GSE1: variants seen among roughly 807,000 people sequenced by gnomAD.
GSE1 encodes the protein Gse1 coiled-coil protein, also known as genetic suppressor element 1.
A neutral mutation model predicts 112.6 loss-of-function variants in GSE1; 32 were observed. The ratio of observed to expected loss-of-function variants is 0.28; its 90% confidence interval spans 0.21 to 0.38. The LOEUF (loss-of-function observed/expected upper bound fraction) is 0.38, where lower values mean the gene tolerates loss of function less well. Among genes scored for constraint, GSE1 ranks in the 10% least tolerant of loss-of-function variants. GSE1 has a pLI of 1.00. For missense variants in GSE1, 2,348 were observed against 1,699.2 expected (o/e 1.38, Z -6.71); for synonymous variants, 1,115 against 735.6 (o/e 1.52, Z -8.35).
intron 1 of GSE1, among the ~76,000 whole-genome samples, chr16:85,280,705 CT>C (rs1172818369): frequency 6.6e-6 from 1 of 152,224 alleles, no homozygotes; most frequent in Non-Finnish European, 1.5e-5. Context: ...CACATGGTCT[CT>C]TTAATTTGGG....
At chr16:85,417,808 A>T (rs1555508692) in intron 2 of GSE1, among the ~76,000 whole-genome samples, 3 of 152,208 alleles carry the variant, frequency 2.0e-5, no homozygotes, top group Non-Finnish European at 4.4e-5. Flanking sequence ...TTCTGATTCC[A>T]TGGGTCTGAG....
At chr16:85,334,763 T>A (rs895277460) in intron 1 of GSE1, among the ~76,000 whole-genome samples, 19 of 152,202 alleles carry the variant, frequency 1.2e-4, no homozygotes, top group African/African-American at 3.9e-4. Flanking sequence ...ATATACTTCA[T>A]CAGCGTATTC....
chr16:85,648,718 C>T lies in GSE1; in HGVS notation c.393C>T (p.Thr131=), dbSNP rs1380514958. The T allele has an allele frequency of 9.3e-6, 15 of 1,606,716 alleles. No homozygotes were observed. The highest frequency in any genetic ancestry group is 5.4e-5 in the African/African-American group (4 of 74,658). ...PPVVTIAPTK[T]VNGVWRSESR... is the part of the protein sequence containing the mutation. ...TGGTGACCATCGCTCCAACCAAAAC[C>T]GTGAATGGTGTCTGGAGGAGTGAGA... The change falls in exon 3 of 16, where the codon ACC becomes ACT. Residue 131 remains threonine, a synonymous_variant. Transcript: ENST00000253458.
rs1181838245 is a variant in GSE1, at chr16:85,434,332, T to TC, written c.2464+76689_2464+76690insC. Among the ~76,000 whole-genome samples, 149 of 147,478 alleles carry TC rather than the reference T, an allele frequency of 1.0e-3. 1 individual carries two copies. The highest frequency in any genetic ancestry group is 7.2e-3 in the Middle Eastern group (2 of 278). The stretch of plus-strand genomic sequence containing the variant: ...CTAATAATAATAATAATAATAATAA[T>TC]AATAATAATAATAATCAGTGCCGTC... On this transcript the variant is annotated intron_variant, in intron 2 of 2. Coordinates refer to the GSE1 transcript ENST00000637419.
chr16:85,660,562 C>A (rs778772845), intron 8 of GSE1, among the ~76,000 whole-genome samples: 2 of 152,136 alleles, frequency 1.3e-5, no homozygotes, highest in African/African-American at 4.8e-5. Context: ...GCGCTTGAAC[C>A]TGGTAGGCGG....
At chr16:85,583,682 A>T (rs1449452112) in intron 1 of GSE1, 1 of 152,140 alleles carries the variant, frequency 6.6e-6, no homozygotes, top group East Asian at 1.9e-4. Flanking sequence ...TGCATGTGAG[A>T]GTGGGGGCTT....
At chr16:85,230,610 A>G (rs887522459) in intron 1 of GSE1, among the ~76,000 whole-genome samples, 2 of 152,180 alleles carry the variant, frequency 1.3e-5, no homozygotes, top group Non-Finnish European at 2.9e-5. Flanking sequence ...GGAGATGGCC[A>G]CCAGCAGTTC....
At chr16:85,436,535 G>A (rs950209152) in intron 2 of GSE1, among the ~76,000 whole-genome samples, 3 of 152,246 alleles carry the variant, frequency 2.0e-5, no homozygotes, top group African/African-American at 4.8e-5. Context: ...CCAGGAACAG[G>A]GGGCCTCCCT....
chr16:85,237,795 G>C (rs990125274), intron 1 of GSE1, among the ~76,000 whole-genome samples: 1 of 150,774 alleles, frequency 6.6e-6, no homozygotes, highest in Non-Finnish European at 1.5e-5. Context: ...CCAAGATCGC[G>C]CCACCGCACT....
chr16:85,391,761 C>T (rs1215197807), intron 2 of GSE1, among the ~76,000 whole-genome samples: 1 of 152,118 alleles, frequency 6.6e-6, no homozygotes. Context: ...ACATGTGTGC[C>T]CAAGGTCACT....
intron 2 of GSE1, among the ~76,000 whole-genome samples, chr16:85,528,510 G>A (rs924834939): frequency 1.3e-5 from 2 of 149,614 alleles, no homozygotes; most frequent in African/African-American, 5.0e-5. Flanking sequence ...TTTTAGTAGA[G>A]ATGAGATCTC....
chr16:85,466,440 A>T (rs1452729138), intron 2 of GSE1, among the ~76,000 whole-genome samples: 1 of 152,192 alleles, frequency 6.6e-6, no homozygotes, highest in African/African-American at 2.4e-5. Context: ...TCTGCCCCTG[A>T]GATTCCATGG....
chr16:85,482,398 G>A (rs1384759467), intron 2 of GSE1, among the ~76,000 whole-genome samples: 1 of 152,228 alleles, frequency 6.6e-6, no homozygotes, highest in Admixed American at 6.5e-5. Context: ...CTTCAGAGCA[G>A]GGACCAGGTC....
chr16:85,471,885 T>C (rs139006115), intron 2 of GSE1, among the ~76,000 whole-genome samples: 1 of 152,282 alleles, frequency 6.6e-6, no homozygotes, highest in African/African-American at 2.4e-5. Context: ...TAAGCCCACA[T>C]TTGTTAAGTG....
chr16:85,362,061 T>C (rs2035492), intron 2 of GSE1, among the ~76,000 whole-genome samples: 124,741 of 152,084 alleles, frequency 0.82, 51,166 homozygotes, highest in East Asian at 0.92. Flanking sequence ...CTGCCGGGAG[T>C]ACAGCTCCAG....
chr16:85,642,650 C>T (rs1042507858), intron 2 of GSE1, among the ~76,000 whole-genome samples: 1 of 152,260 alleles, frequency 6.6e-6, no homozygotes, highest in African/African-American at 2.4e-5. Context: ...CATGGCATCT[C>T]ACAAAGACGT....
At chr16:85,189,194 C>G (rs2074772511) in intron 1 of GSE1, among the ~76,000 whole-genome samples, 1 of 152,230 alleles carries the variant, frequency 6.6e-6, no homozygotes, top group African/African-American at 2.4e-5. Flanking sequence ...GCTGAAGTTT[C>G]TCTTCCCTCT....
intron 1 of GSE1, among the ~76,000 whole-genome samples, chr16:85,278,069 G>A (rs1364856068): frequency 6.6e-6 from 1 of 152,278 alleles, no homozygotes; most frequent in African/African-American, 2.4e-5. Context: ...CCTCACAGCT[G>A]TCCCGCGAGG....
At chr16:85,551,169 C>T (rs117942657), upstream of GSE1, among the ~76,000 whole-genome samples, 653 of 152,312 alleles carry the variant, frequency 4.3e-3, 1 homozygote, top group Non-Finnish European at 7.7e-3. Context: ...TCCTCCCCAG[C>T]GGTGAGCTGA....
Sources: allele counts gnomAD v4.1 joint callset (sites outside exome capture counted in the v4.1 genomes callset), GRCh38; gene constraint gnomAD v4.1.1; transcripts MANE v1.5; gene names NCBI Gene and HGNC (gene_info 2026-07-23, HGNC 2026-07-21).